Variants in COL22A1 observed in about 807,000 individuals in gnomAD.
COL22A1 encodes collagen alpha-1(XXII) chain.
COL22A1 carries 221 observed loss-of-function variants against 248.9 expected under a neutral mutation model. The observed-to-expected ratio is 0.89, with a 90% confidence interval of 0.80 to 0.99. COL22A1 has a LOEUF of 0.99. Ranked by LOEUF, COL22A1 falls within the 50% of genes least tolerant of loss-of-function variation. The pLI, the probability that COL22A1 is intolerant of heterozygous loss-of-function variation, is 0.00. For synonymous variants in COL22A1, 891 were observed against 793.4 expected (o/e 1.12, Z -2.07); for missense variants, 2,240 against 2,179.0 (o/e 1.03, Z -0.56).
intron 15 of COL22A1, chr8:138,777,947 C>A: frequency 4.0e-6 from 1 of 250,150 alleles, no homozygotes; most frequent in Non-Finnish European, 7.8e-6. Context: ...ATACTGAACA[C>A]CATACTGGAC....
intron 41 of COL22A1, among the ~76,000 whole-genome samples, chr8:138,664,203 G>GCA (rs1391059869): frequency 1.0e-4 from 9 of 90,116 alleles, no homozygotes; most frequent in South Asian, 4.6e-4. Context: ...GTGCGCGCGC[G>GCA]CGCGCGCACA....
At chr8:138,887,021 A>G (rs772530782) in intron 1 of COL22A1, among the ~76,000 whole-genome samples, 15 of 152,182 alleles carry the variant, frequency 9.9e-5, no homozygotes, top group Non-Finnish European at 2.1e-4. Flanking sequence ...GGAATGGGGT[A>G]TCCATCCCCT....
chr8:138,748,209 C>G (rs915886020), intron 22 of COL22A1, among the ~76,000 whole-genome samples: 25 of 152,318 alleles, frequency 1.6e-4, no homozygotes, highest in African/African-American at 5.8e-4. Context: ...TCAGTGGCCT[C>G]CCTCAAGCTG....
chr8:138,725,280 C>A, intron 24 of COL22A1, 107 bp downstream of exon 24: 1 of 1,183,674 alleles, frequency 8.4e-7, no homozygotes, highest in South Asian at 1.2e-5. Context: ...TTGCACTGGA[C>A]TTGGGTGGAT....
At chr8:138,641,009 G>T (rs1157144788) in intron 47 of COL22A1, among the ~76,000 whole-genome samples, 1 of 152,170 alleles carries the variant, frequency 6.6e-6, no homozygotes, top group Non-Finnish European at 1.5e-5. Context: ...CAAGCTTGTA[G>T]GTCTTTCTTC....
chr8:138,792,118 C>A (rs1383644665), intron 12 of COL22A1, among the ~76,000 whole-genome samples: 1 of 152,142 alleles, frequency 6.6e-6, no homozygotes, highest in East Asian at 1.9e-4. Flanking sequence ...CATTTCATTC[C>A]TGGTGGGTGT....
chr8:138,797,305 T>C (rs1816633311), intron 11 of COL22A1, among the ~76,000 whole-genome samples: 1 of 152,206 alleles, frequency 6.6e-6, no homozygotes, highest in Non-Finnish European at 1.5e-5. Flanking sequence ...TCTGTTTCTA[T>C]AGATTTGTCT....
intron 3 of COL22A1, among the ~76,000 whole-genome samples, chr8:138,860,154 C>T (rs139486673): frequency 6.6e-6 from 1 of 152,330 alleles, no homozygotes; most frequent in African/African-American, 2.4e-5. Context: ...CAGCTTCCTG[C>T]TGGCTCACAT....
chr8:138,762,603 CA>C, intron 16 of COL22A1, 137 bp from the exon 17 acceptor site: 1 of 641,792 alleles, frequency 1.6e-6, no homozygotes, highest in African/African-American at 1.9e-5. Flanking sequence ...CACACACACA[CA>C]CACACAACAG....
At chr8:138,763,149 G>T (rs1021178220) in intron 16 of COL22A1, among the ~76,000 whole-genome samples, 27 of 152,170 alleles carry the variant, frequency 1.8e-4, no homozygotes, top group African/African-American at 6.3e-4. Flanking sequence ...CACTTTGGGG[G>T]GCTGAGGCGG....
At chr8:138,622,907 C>T (rs894543801) in intron 52 of COL22A1, among the ~76,000 whole-genome samples, 1 of 151,826 alleles carries the variant, frequency 6.6e-6, no homozygotes, top group African/African-American at 2.4e-5. Context: ...CCACTGATGC[C>T]GTCCTCCATC....
chr8:138,663,841 G>A, intron 41 of COL22A1, 101 bp from the exon 42 acceptor site: 1 of 867,260 alleles, frequency 1.2e-6, no homozygotes, highest in Non-Finnish European at 1.9e-6. Flanking sequence ...GTTGTCCTAG[G>A]AGGAGTCACT....
intron 36 of COL22A1, among the ~76,000 whole-genome samples, 156 bp from the exon 37 acceptor site, chr8:138,689,126 C>T (rs896689778): frequency 6.7e-6 from 1 of 149,546 alleles, no homozygotes; most frequent in African/African-American, 2.5e-5. Flanking sequence ...CCCAAAGCTC[C>T]ACCTCCTCCC....
At chr8:138,666,803 G>C (rs976366238) in intron 41 of COL22A1, among the ~76,000 whole-genome samples, 6 of 152,124 alleles carry the variant, frequency 3.9e-5, no homozygotes, top group African/African-American at 1.4e-4. Context: ...GAGGCTCCAG[G>C]TTATTTTCTT....
At chr8:138,827,358 G>C (rs1223650236) in intron 5 of COL22A1, 1 of 157,128 alleles carries the variant, frequency 6.4e-6, no homozygotes, top group African/African-American at 2.4e-5. Flanking sequence ...CCTTATAAGA[G>C]AGACCCCAGA....
chr8:138,827,513 A>G (rs1353772317), intron 5 of COL22A1, among the ~76,000 whole-genome samples: 1 of 151,936 alleles, frequency 6.6e-6, no homozygotes, highest in Non-Finnish European at 1.5e-5. Flanking sequence ...GTGCTTTGTC[A>G]TGGCGGCCAG....
chr8:138,670,486 TG>T (rs1448333760), intron 41 of COL22A1, among the ~76,000 whole-genome samples: 1 of 152,016 alleles, frequency 6.6e-6, no homozygotes, highest in Non-Finnish European at 1.5e-5. Flanking sequence ...CCAGACAAGA[TG>T]GGGGTACTCA....
intron 1 of COL22A1, among the ~76,000 whole-genome samples, chr8:138,884,446 G>A (rs1020605113): frequency 3.9e-5 from 6 of 152,222 alleles, no homozygotes; most frequent in South Asian, 2.1e-4. Context: ...CAATGGTAGC[G>A]AAGTTATCTC....
intron 7 of COL22A1, among the ~76,000 whole-genome samples, chr8:138,818,185 C>T (rs1364814918): frequency 1.3e-4 from 20 of 152,166 alleles, no homozygotes; most frequent in Admixed American, 1.3e-3. Flanking sequence ...GGATAAGATG[C>T]TCTCTGGGTT....
Sources: allele counts gnomAD v4.1 joint callset (sites outside exome capture counted in the v4.1 genomes callset), GRCh38; gene constraint gnomAD v4.1.1; transcripts MANE v1.5; gene names NCBI Gene and HGNC (gene_info 2026-07-23, HGNC 2026-07-21).